The following NUP210L variants were observed in gnomAD, a reference collection of about 807,000 sequenced individuals.
NUP210L encodes nucleoporin 210 like, also known as nuclear pore membrane glycoprotein 210-like.
Under a neutral mutation model 208.5 loss-of-function variants are expected in NUP210L, and 74 were observed. The ratio of observed to expected loss-of-function variants is 0.35; its 90% CI spans 0.29 to 0.43. The LOEUF (loss-of-function observed/expected upper bound fraction) is 0.43. NUP210L is among the 20% of genes least tolerant of loss of function. NUP210L has a pLI of 1.00. For synonymous variants in NUP210L, 780 were observed against 816.9 expected, an observed-to-expected ratio of 0.95 and a Z score of 0.77; for missense variants, 1,843 against 2,289.4, an observed-to-expected ratio of 0.81 and a Z score of 3.98.
chr1:154,056,590 A>T (rs1474710983), intron 23 of NUP210L, among the ~76,000 whole-genome samples: 3 of 151,702 alleles, frequency 2.0e-5, no homozygotes, highest in Non-Finnish European at 2.9e-5. Flanking sequence ...ATTTTATTTT[A>T]TTTTTATTTT....
intron 14 of NUP210L, among the ~76,000 whole-genome samples, chr1:154,097,073 C>CAA (rs535777361): frequency 6.8e-6 from 1 of 146,070 alleles, no homozygotes; most frequent in African/African-American, 2.5e-5. Flanking sequence ...GACTCTGTCT[C>CAA]AAAAAAAAAA....
chr1:154,058,527 T>A (rs750218914), intron 21 of NUP210L, 38 bp downstream of exon 21: 1 of 1,603,938 alleles, frequency 6.2e-7, no homozygotes, highest in Non-Finnish European at 8.5e-7. Flanking sequence ...TGAGAATAAG[T>A]CTTGCTTAAT....
At chr1:154,129,072 A>AT (rs529086709) in intron 8 of NUP210L, among the ~76,000 whole-genome samples, 97 of 152,174 alleles carry the variant, frequency 6.4e-4, no homozygotes, top group African/African-American at 2.3e-3. Flanking sequence ...GGATTTTCAT[A>AT]TTTTTTTCAC....
intron 37 of NUP210L, 111 bp from the exon 38 acceptor site, chr1:153,995,291 C>A (rs1371522920): frequency 4.0e-6 from 3 of 741,550 alleles, no homozygotes; most frequent in Non-Finnish European, 4.5e-6. Context: ...TCACTCTGTC[C>A]CCCAGGCTGG....
chr1:154,086,857 C>T (rs1212761460), intron 16 of NUP210L, among the ~76,000 whole-genome samples: 1 of 151,436 alleles, frequency 6.6e-6, no homozygotes, highest in African/African-American at 2.4e-5. Flanking sequence ...GATGAGAGAA[C>T]ATTTTTGCAA....
At chr1:154,018,265 C>T (rs1021922761) in intron 33 of NUP210L, among the ~76,000 whole-genome samples, 2 of 152,280 alleles carry the variant, frequency 1.3e-5, no homozygotes, top group African/African-American at 4.8e-5. Context: ...AGCCACCGCG[C>T]CTGGCCTTTT....
intron 4 of NUP210L, 58 bp downstream of exon 4, chr1:154,141,373 G>A (rs944605906): frequency 1.8e-5 from 19 of 1,081,234 alleles, no homozygotes; most frequent in Middle Eastern, 2.0e-4. Flanking sequence ...TCAGCATGCC[G>A]CTTAATGGCA....
intron 3 of NUP210L, 75 bp from the exon 4 acceptor site, chr1:154,141,599 G>A (rs2148145145): frequency 1.2e-6 from 1 of 859,026 alleles, no homozygotes; most frequent in Non-Finnish European, 1.9e-6. Context: ...ACAAGAAAGG[G>A]AAACCTAACT....
At chr1:154,139,728 G>T in intron 5 of NUP210L, 74 bp downstream of exon 5, 19 of 1,065,484 alleles carry the variant, frequency 1.8e-5, no homozygotes, top group East Asian at 2.7e-5. Flanking sequence ...CATTCTTGTA[G>T]TACCTGGGCA....
chr1:154,136,686 C>A (rs542154203), intron 6 of NUP210L, among the ~76,000 whole-genome samples: 6 of 150,606 alleles, frequency 4.0e-5, no homozygotes, highest in African/African-American at 1.5e-4. Flanking sequence ...CGTGGGAAGC[C>A]GAGGTGGGTG....
chr1:154,115,796 G>A (rs1199537038), intron 12 of NUP210L, among the ~76,000 whole-genome samples: 1 of 151,882 alleles, frequency 6.6e-6, no homozygotes, highest in Non-Finnish European at 1.5e-5. Context: ...AAACTATTAA[G>A]TCCTATAGAG....
chr1:154,125,632 AGG>A (rs1557994612), intron 10 of NUP210L, among the ~76,000 whole-genome samples: 56 of 1,350 alleles, frequency 0.041, 2 homozygotes, highest in African/African-American at 0.13. Context: ...AAAGGAAGGA[AGG>A]AAGGAAGGAA....
At position 154,058,303 on chromosome 1, in the gene NUP210L, T is replaced by G. The variant is rs888756659; in HGVS notation, c.2980-87A>C. The G allele has an allele frequency of 6.5e-6, 9 of 1,389,398 alleles. No individual in the cohort carries two copies. In the African/African-American group the frequency reaches 1.3e-4, roughly 20 times the overall value. The allele number at this position is 1,389,398 out of a possible 1,614,324, so 86.1% of individuals were successfully genotyped here. ...TCTTAGAGGGCAGTGTACTTTTTTTTTCTTTCATGCTAAATGATCCTGGTC... is the reference window on the plus strand; with the variant it reads ...TCTTAGAGGGCAGTGTACTTTTTTTGTCTTTCATGCTAAATGATCCTGGTC... On this transcript the variant is annotated intron_variant, in intron 21 of 39. Coordinates refer to ENST00000368559, the Ensembl canonical transcript of NUP210L.
intron 33 of NUP210L, among the ~76,000 whole-genome samples, chr1:154,012,796 G>C (rs1651005038): frequency 6.6e-6 from 1 of 151,606 alleles, no homozygotes; most frequent in Admixed American, 6.6e-5. Context: ...CTGGGGTCAG[G>C]AGTTCCAGAC....
chr1:154,018,287 A>G (rs1375369008), intron 33 of NUP210L, among the ~76,000 whole-genome samples: 1 of 151,914 alleles, frequency 6.6e-6, no homozygotes, highest in East Asian at 1.9e-4. Flanking sequence ...TCTATTTTAC[A>G]TTCATTCTTT....
intron 35 of NUP210L, among the ~76,000 whole-genome samples, chr1:154,005,570 C>T (rs892146794): frequency 4.0e-5 from 6 of 151,208 alleles, no homozygotes; most frequent in Admixed American, 2.0e-4. Context: ...GAGTTTTGCT[C>T]CTGTTGCCTA....
At chr1:154,055,176 T>C (rs1448515601) in intron 23 of NUP210L, among the ~76,000 whole-genome samples, 19 of 120,168 alleles carry the variant, frequency 1.6e-4, no homozygotes, top group African/African-American at 5.6e-4. Flanking sequence ...TCTTTCTTTC[T>C]TTCTTTCTTT....
chr1:154,079,647 G>A (rs1029217940), intron 16 of NUP210L: 3 of 150,958 alleles, frequency 2.0e-5, no homozygotes, highest in Non-Finnish European at 4.4e-5. Flanking sequence ...TTTGTTAGAT[G>A]AGAATTCTGC....
At chr1:154,134,263 T>C (rs1447886286) in intron 7 of NUP210L, among the ~76,000 whole-genome samples, 1 of 151,828 alleles carries the variant, frequency 6.6e-6, no homozygotes, top group Non-Finnish European at 1.5e-5. Flanking sequence ...AGTAGAAATA[T>C]AATAGATATT....
Sources: gnomAD v4.1 joint callset for allele counts (sites outside exome capture counted in the v4.1 genomes callset) on GRCh38, gnomAD v4.1.1 for gene constraint, MANE v1.5 for transcripts, NCBI Gene and HGNC (gene_info 2026-07-23, HGNC 2026-07-21) for gene names.